Variants in TRARG1 observed in about 807,000 individuals in gnomAD.
The protein encoded by TRARG1 is trafficking regulator of GLUT4 1.
In TRARG1, 16 loss-of-function variants were observed where a neutral mutation model predicts 13.3. The observed-to-expected ratio is 1.20, with a 90% confidence interval of 0.81 to 1.83. The LOEUF (loss-of-function observed/expected upper bound fraction) is 1.83, where lower values mean the gene tolerates loss of function less well. TRARG1 is among the 40% of genes most tolerant of loss of function. The pLI is 0.00. For synonymous variants in TRARG1, 113 were observed against 106.2 expected, an observed-to-expected ratio of 1.06 and a Z score of -0.39; for missense variants, 250 against 237.4, an observed-to-expected ratio of 1.05 and a Z score of -0.35.
At chr17:1,290,744 T>G (rs111375762) in intron 1 of TRARG1, among the ~76,000 whole-genome samples, 4,376 of 152,224 alleles carry the variant, frequency 0.029, 98 homozygotes, top group Non-Finnish European at 0.046. Flanking sequence ...GAAGGTGATA[T>G]GGCTTGGCTG....
chr17:1,294,388 T>C (rs893095475), intron 1 of TRARG1, among the ~76,000 whole-genome samples: 1 of 152,028 alleles, frequency 6.6e-6, no homozygotes, highest in Non-Finnish European at 1.5e-5. Context: ...CCATTCATTC[T>C]TTTGTGTGAT....
intron 1 of TRARG1, among the ~76,000 whole-genome samples, chr17:1,284,225 T>C (rs1235323233): frequency 2.6e-5 from 4 of 152,176 alleles, no homozygotes; most frequent in African/African-American, 9.6e-5. Context: ...ACTCATCTCC[T>C]TTCTGTTTCT....
At chr17:1,285,855 G>T (rs907540383) in intron 1 of TRARG1, among the ~76,000 whole-genome samples, 3 of 151,998 alleles carry the variant, frequency 2.0e-5, no homozygotes, top group East Asian at 1.9e-4. Context: ...TTTTGAAAAG[G>T]AGATTCCAGG....
At chr17:1,291,799 A>T (rs1345359450) in intron 1 of TRARG1, among the ~76,000 whole-genome samples, 1 of 152,156 alleles carries the variant, frequency 6.6e-6, no homozygotes, top group Admixed American at 6.6e-5. Flanking sequence ...AGGGATTTGG[A>T]CATATGGTGC....
chr17:1,286,819 T>C (rs2072028885), intron 1 of TRARG1, among the ~76,000 whole-genome samples: 3 of 104,890 alleles, frequency 2.9e-5, no homozygotes, highest in South Asian at 5.4e-4. Context: ...GTTGTCGGCC[T>C]GTGGGGTGTT....
At chr17:1,282,070 A>G (rs908169733) in intron 1 of TRARG1, among the ~76,000 whole-genome samples, 64 of 150,596 alleles carry the variant, frequency 4.2e-4, no homozygotes, top group African/African-American at 1.5e-3. Flanking sequence ...ATGTATACAC[A>G]TATATACATA....
chr17:1,280,259 G>C lies in TRARG1; in HGVS notation c.258G>C (p.Ala86=), dbSNP rs752409409. 4 of 1,613,958 alleles carry C rather than the reference G, an allele frequency of 2.5e-6. No individual in the cohort carries two copies. The highest frequency in any genetic ancestry group is 3.4e-6 in the Non-Finnish European group (4 of 1,180,018). The change falls in exon 1 of 3, where the codon GCG becomes GCC. Residue 86 remains alanine (A), a synonymous_variant. Transcript: ENST00000333813. ...RSPSRASSRR[A]SSIATTSYAQ... The stretch of plus-strand genomic sequence containing the variant: ...CCTCCCGGGCCAGCTCAAGGAGGGC[G>C]TCCTCCATCGCCACCACCTCCTATG...
At chr17:1,281,250 G>C (rs1399861951) in intron 1 of TRARG1, among the ~76,000 whole-genome samples, 3 of 152,210 alleles carry the variant, frequency 2.0e-5, no homozygotes, top group Non-Finnish European at 4.4e-5. Flanking sequence ...CCAGGAAGAA[G>C]CGAGAGTTAT....
At chr17:1,293,767 G>A (rs940932085) in intron 1 of TRARG1, among the ~76,000 whole-genome samples, 2 of 152,136 alleles carry the variant, frequency 1.3e-5, no homozygotes, top group African/African-American at 4.8e-5. Context: ...TGGAATGGAA[G>A]TGCAGGGCTG....
At chr17:1,283,258 AG>A (rs1248112616) in intron 1 of TRARG1, among the ~76,000 whole-genome samples, 4 of 152,102 alleles carry the variant, frequency 2.6e-5, no homozygotes, top group African/African-American at 7.2e-5. Context: ...GAGAGCCGTG[AG>A]GGGGTGAAAT....
intron 1 of TRARG1, among the ~76,000 whole-genome samples, chr17:1,295,011 G>A (rs2072100467): frequency 6.6e-6 from 1 of 152,152 alleles, no homozygotes; most frequent in African/African-American, 2.4e-5. Context: ...TGGAGGCAGG[G>A]GTGGGGGGTG....
chr17:1,279,788 G>A lies in TRARG1; in HGVS notation c.-214G>A, dbSNP rs2071957659. 3.9e-6 allele frequency: 2 copies of A among 516,148 alleles called. No individual in the cohort carries two copies. The highest frequency in any genetic ancestry group is 7.7e-5 in the South Asian group (2 of 25,922). The allele number at this position is 516,148 out of a possible 1,614,324, so 32.0% of individuals were successfully genotyped here. On this transcript the variant is annotated 5_prime_UTR_variant, in exon 1 of 3. Coordinates refer to ENST00000333813, the MANE Select transcript of TRARG1 (RefSeq NM_172367.3). ...GCTCCAGCGTCTTTCTGGGAGCTCC[G>A]CGGGGGCAGCAGGCAGGCCCCAGCC...
At chr17:1,285,946 C>T (rs79964825) in intron 1 of TRARG1, among the ~76,000 whole-genome samples, 529 of 152,214 alleles carry the variant, frequency 3.5e-3, no homozygotes, top group African/African-American at 9.2e-3. Context: ...GCTCCGAGGC[C>T]GCTCAGGTTC....
At chr17:1,296,444 C>T (rs2072111329) in intron 2 of TRARG1, among the ~76,000 whole-genome samples, 1 of 151,460 alleles carries the variant, frequency 6.6e-6, no homozygotes, top group African/African-American at 2.4e-5. Flanking sequence ...ATCCACCCAC[C>T]TTGGCCGCCT....
chr17:1,300,909 A>C lies in TRARG1; in HGVS notation c.*2645A>C, dbSNP rs778627585. ...CAGGGAGTAGCAAGACCCACCCCAC[A>C]CTGCCTTCACCATCTACACCAGTGA... On this transcript the variant is annotated 3_prime_UTR_variant, in exon 3 of 3. Coordinates refer to ENST00000333813, the MANE Select transcript of TRARG1 (RefSeq NM_172367.3). 1 of 151,302 alleles carries C rather than the reference A, an allele frequency of 6.6e-6. No homozygotes were observed. Among genetic ancestry groups the C allele is most frequent in the Non-Finnish European group, 1.5e-5 (1 of 67,812 alleles). The allele number at this position is 151,302 out of a possible 1,614,324, so 9.4% of individuals were successfully genotyped here. A position where few individuals can be genotyped will look rare whatever the true frequency, so the allele number is the denominator to read the frequency against.
intron 1 of TRARG1, among the ~76,000 whole-genome samples, chr17:1,284,595 G>A (rs1435099661): frequency 2.0e-5 from 3 of 152,232 alleles, no homozygotes; most frequent in Non-Finnish European, 4.4e-5. Context: ...TCATTCAGTC[G>A]ACTTGAACAG....
At chr17:1,287,738 C>T (rs1430661009) in intron 1 of TRARG1, among the ~76,000 whole-genome samples, 1 of 151,998 alleles carries the variant, frequency 6.6e-6, no homozygotes, top group African/African-American at 2.4e-5. Context: ...CTGCAACCTC[C>T]ACCTCCCAGG....
intron 1 of TRARG1, 145 bp downstream of exon 1, chr17:1,280,533 G>A: frequency 1.1e-6 from 1 of 926,640 alleles, no homozygotes; most frequent in East Asian, 2.5e-5. Flanking sequence ...TTTCCTCACT[G>A]GCCTCCTCCT....
At chr17:1,281,019 C>G (rs1033803195) in intron 1 of TRARG1, among the ~76,000 whole-genome samples, 14 of 152,164 alleles carry the variant, frequency 9.2e-5, no homozygotes, top group Non-Finnish European at 1.9e-4. Flanking sequence ...ACTTCAGCCT[C>G]GTCTTCAGGG....
Sources: allele counts gnomAD v4.1 joint callset (sites outside exome capture counted in the v4.1 genomes callset), GRCh38; gene constraint gnomAD v4.1.1; transcripts MANE v1.5; gene names NCBI Gene and HGNC (gene_info 2026-07-23, HGNC 2026-07-21).